The following C2CD2L variants were observed in gnomAD, a reference collection of about 807,000 sequenced individuals.
C2CD2L encodes the protein C2CD2 like, also known as phospholipid transfer protein C2CD2L.
A neutral mutation model predicts 69.9 loss-of-function variants in C2CD2L; 24 were observed. The observed-to-expected ratio is 0.34, with a 90% CI of 0.25 to 0.48. The LOEUF (loss-of-function observed/expected upper bound fraction) is 0.48. Ranked by LOEUF, C2CD2L falls within the 20% of genes least tolerant of loss-of-function variation. The pLI is 0.99. For missense variants in C2CD2L, 811 were observed against 941.5 expected (o/e 0.86, Z 1.81); for synonymous variants, 367 against 391.0 (o/e 0.94, Z 0.72).
At position 119,108,203 on chromosome 11, in the gene C2CD2L, C is replaced by G. The variant is rs534369738; in HGVS notation, c.354+108C>G. The G allele has an allele frequency of 4.5e-6, 3 of 665,140 alleles. No individual in the cohort carries two copies. In the Admixed American group the frequency reaches 1.0e-4, roughly 23 times the overall value. The allele number at this position is 665,140 out of a possible 1,614,324, so 41.2% of individuals were successfully genotyped here. A position where few individuals can be genotyped will look rare whatever the true frequency, so the allele number is the denominator to read the frequency against. ...CGAGGGTGGGCATAAACTGGGGAAC[C>G]CTATGGCTTCTCTTCCCCTCCCGGA... On this transcript the variant is annotated intron_variant, in intron 1 of 13. Coordinates refer to ENST00000648610, the MANE Select transcript of C2CD2L (RefSeq NM_001290474.2).
At position 119,116,379 on chromosome 11, in the gene C2CD2L, A is replaced by T. The variant is rs1946894056; in HGVS notation, c.*123A>T. 3.9e-6 allele frequency: 3 copies of T among 776,068 alleles called. No homozygotes were observed. The highest frequency in any genetic ancestry group is 6.2e-6 in the Non-Finnish European group (3 of 480,566). 48.1% of individuals were successfully genotyped at this position (776,068 alleles called of 1,614,324 possible). A position where few individuals can be genotyped will look rare whatever the true frequency, so the allele number is the denominator to read the frequency against. On this transcript the variant is annotated 3_prime_UTR_variant, in exon 14 of 14. Coordinates refer to ENST00000648610, the MANE Select transcript of C2CD2L (RefSeq NM_001290474.2). Reference sequence around the variant, plus strand: ...CTCTGGGTTCCGGGAAGCCCCGTCCACCCTGGGCCATGGGGCCGGTTGGAA... The same window carrying T: ...CTCTGGGTTCCGGGAAGCCCCGTCCTCCCTGGGCCATGGGGCCGGTTGGAA...
At position 119,116,574 on chromosome 11, in the gene C2CD2L, C is replaced by T. The variant is rs1401639986; in HGVS notation, c.*318C>T. On this transcript the variant is annotated 3_prime_UTR_variant, in exon 14 of 14. Transcript: ENST00000648610. Reference sequence around the variant, plus strand: ...TCCCTGAGCGGAGTCCCAGGGTGCTCAGCTCTTCAGCTGACCCTTCTTCCC... The same window carrying T: ...TCCCTGAGCGGAGTCCCAGGGTGCTTAGCTCTTCAGCTGACCCTTCTTCCC... 2.1e-6 allele frequency: 1 copy of T among 478,640 alleles called. No homozygotes were observed. Among genetic ancestry groups the T allele is most frequent in the African/African-American group, 1.9e-5 (1 of 52,058 alleles). The allele number at this position is 478,640 out of a possible 1,614,324, so 29.6% of individuals were successfully genotyped here.
intron 11 of C2CD2L, 57 bp from the exon 12 acceptor site, chr11:119,113,784 GATAGGAGGAGTTCC>G: frequency 1.2e-6 from 2 of 1,612,636 alleles, no homozygotes; most frequent in East Asian, 4.5e-5. Context: ...CTCTGGGTGG[GATAGGAGGAGTTCC>G]AATCCAAGAA....
At position 119,110,152 on chromosome 11, in the gene C2CD2L, G is replaced by A; in HGVS notation, c.403G>A (p.Ala135Thr). Residue 135 changes from alanine (A) to threonine (T), a missense_variant, in exon 2 of 14, where the codon GCC becomes ACC. By Grantham distance (58) the Ala-to-Thr change is moderately conservative. Transcript: ENST00000648610. The surrounding 1 kb of genome is among the most constrained non-coding windows in gnomAD (Gnocchi z 5.7). ...GGAGGTGCCCCAACTCCCACCCAGAGCCAGCATCAGTCATGTGACCTGCGT... is the reference window on the plus strand; with the variant it reads ...GGAGGTGCCCCAACTCCCACCCAGAACCAGCATCAGTCATGTGACCTGCGT... ...FEEVPQLPPRASISHVTCVDQ... is the reference protein window; with the variant it reads ...FEEVPQLPPRTSISHVTCVDQ... 1 of 1,614,086 alleles carries A rather than the reference G, an allele frequency of 6.2e-7. No homozygotes were observed. Among genetic ancestry groups the A allele is most frequent in the Non-Finnish European group, 8.5e-7 (1 of 1,179,944 alleles).
upstream of C2CD2L, among the ~76,000 whole-genome samples, chr11:119,105,862 T>C (rs987431812): frequency 6.6e-6 from 1 of 152,144 alleles, no homozygotes; most frequent in South Asian, 2.1e-4. Flanking sequence ...AGGGTCTTCA[T>C]AGGGAAAGCT....
rs137999991 is a variant in C2CD2L, at chr11:119,114,242, A to G, written c.1786A>G (p.Ser596Gly). Residue 596 changes from serine to glycine, a missense_variant, in exon 13 of 14, where the codon AGT (serine) becomes GGT (glycine). Transcript: ENST00000648610. The surrounding 1 kb of genome is among the most constrained non-coding windows in gnomAD (Gnocchi z 5.1). ...GPLDALSSPT[S>G]VQEADETTRS... ...GCTAGATGCCCTCTCTAGTCCCACA[A>G]GTGTCCAGGAAGCAGACGAGACAAC... is the stretch of plus-strand genomic sequence containing the variant. 7 of 1,614,140 alleles carry G rather than the reference A, an allele frequency of 4.3e-6. No individual in the cohort carries two copies. The highest frequency in any genetic ancestry group is 5.1e-6 in the Non-Finnish European group (6 of 1,180,026).
At chr11:119,113,557 G>C (rs1164688634) in intron 10 of C2CD2L, 54 bp from the exon 11 acceptor site, 1 of 1,563,700 alleles carries the variant, frequency 6.4e-7, no homozygotes, top group African/African-American at 1.4e-5. Flanking sequence ...GACAGTAGGG[G>C]TGGGGGCCAC....
chr11:119,104,078 T>A (rs1373187650), upstream of C2CD2L, among the ~76,000 whole-genome samples: 2 of 152,076 alleles, frequency 1.3e-5, no homozygotes, highest in Admixed American at 1.3e-4. Context: ...GTGACCAGAG[T>A]AAGTGGTCTT....
In C2CD2L at chr11:119,116,339, T is replaced by C; in HGVS notation, c.*83T>C. On this transcript the variant is annotated 3_prime_UTR_variant, in exon 14 of 14. Transcript: ENST00000648610. ...TACCCCTTCCTGGATCTCCAGTGCCTGGGCCAGGAAAGCCCTCTGGGTTCC... is the reference window on the plus strand; with the variant it reads ...TACCCCTTCCTGGATCTCCAGTGCCCGGGCCAGGAAAGCCCTCTGGGTTCC... The C allele has an allele frequency of 1.7e-6, 2 of 1,192,310 alleles. No individual in the cohort carries two copies. The highest frequency in any genetic ancestry group is 1.9e-4 in the Middle Eastern group (1 of 5,216). The allele number at this position is 1,192,310 out of a possible 1,614,324, so 73.9% of individuals were successfully genotyped here. A position where few individuals can be genotyped will look rare whatever the true frequency, so the allele number is the denominator to read the frequency against.
Position 119,110,726 on chromosome 11 carries a change from T to C in C2CD2L, c.570+46T>C, listed in dbSNP as rs764326317. ...CTGAGTTGGGCAGGGGCGGTTCCAT[T>C]GGCTCAGCTTCTTCCATTTGTTTCC... On this transcript the variant is annotated intron_variant, in intron 3 of 13. Transcript: ENST00000648610. This position sits in a 1 kb window ranked among gnomAD's most constrained non-coding sequence, Gnocchi z 5.7. 6.2e-7 allele frequency: 1 copy of C among 1,610,518 alleles called. No individual in the cohort carries two copies.
chr11:119,106,271 GACA>G (rs955768057), upstream of C2CD2L, among the ~76,000 whole-genome samples: 4 of 152,210 alleles, frequency 2.6e-5, no homozygotes, highest in African/African-American at 4.8e-5. Context: ...TCATTCCTCA[GACA>G]ACTACTTGGG....
In C2CD2L at chr11:119,107,753, C is replaced by A. The variant is rs1946624168; in HGVS notation, c.12C>A (p.Gly4=). 1 of 1,531,844 alleles carries A rather than the reference C, an allele frequency of 6.5e-7. No individual in the cohort carries two copies. The highest frequency in any genetic ancestry group is 8.7e-7 in the Non-Finnish European group (1 of 1,152,368). The allele number at this position is 1,531,844 out of a possible 1,614,324, so 94.9% of individuals were successfully genotyped here. A position where few individuals can be genotyped will look rare whatever the true frequency, so the allele number is the denominator to read the frequency against. MDP[G]WGQRDVGWAA... ...AGCCCGCGCGGAGCATGGATCCGGG[C>A]TGGGGGCAGCGGGACGTGGGCTGGG... Residue 4 remains glycine (G), a synonymous_variant, in exon 1 of 14, where the codon GGC becomes GGA. Coordinates refer to ENST00000648610, the MANE Select transcript of C2CD2L (RefSeq NM_001290474.2). The surrounding 1 kb of genome is among the most constrained non-coding windows in gnomAD (Gnocchi z 5.4).
rs566678165 is a variant in C2CD2L at position 119,110,003 on chromosome 11, T to C, written c.355-101T>C. 6 of 840,416 alleles carry C rather than the reference T, an allele frequency of 7.1e-6. No homozygotes were observed. The highest frequency in any genetic ancestry group is 6.7e-5 in the African/African-American group (4 of 60,040). The allele number at this position is 840,416 out of a possible 1,614,324, so 52.1% of individuals were successfully genotyped here. ...GAGGGGCCAGAAGCCAGCCTGCAGCTGAGGCCTCCGCAGTGGCAGAGTCCA... is the reference window on the plus strand; with the variant it reads ...GAGGGGCCAGAAGCCAGCCTGCAGCCGAGGCCTCCGCAGTGGCAGAGTCCA... On this transcript the variant is annotated intron_variant, in intron 1 of 13. Coordinates refer to ENST00000648610, the MANE Select transcript of C2CD2L (RefSeq NM_001290474.2). The surrounding 1 kb of genome is among the most constrained non-coding windows in gnomAD (Gnocchi z 5.7).
Position 119,114,470 on chromosome 11 carries a change from A to G in C2CD2L, c.1909+105A>G. ...CCTTCTCCTTCCTCCCCTAAGAGATAGCCGGATTCCCAGCCTAGTTCAGCC... is the reference window on the plus strand; with the variant it reads ...CCTTCTCCTTCCTCCCCTAAGAGATGGCCGGATTCCCAGCCTAGTTCAGCC... On this transcript the variant is annotated intron_variant, in intron 13 of 13. Coordinates refer to ENST00000648610, the MANE Select transcript of C2CD2L (RefSeq NM_001290474.2). The surrounding 1 kb of genome is among the most constrained non-coding windows in gnomAD (Gnocchi z 5.1). 1 of 1,186,326 alleles carries G rather than the reference A, an allele frequency of 8.4e-7. No homozygotes were observed. Among genetic ancestry groups the G allele is most frequent in the Non-Finnish European group, 1.2e-6 (1 of 831,370 alleles). 73.5% of individuals were successfully genotyped at this position (1,186,326 alleles called of 1,614,324 possible). A position where few individuals can be genotyped will look rare whatever the true frequency, so the allele number is the denominator to read the frequency against.
Position 119,111,138 on chromosome 11 carries a change from C to A in C2CD2L, c.768C>A (p.Asn256Lys). Residue 256 changes from asparagine to lysine, a missense_variant, in exon 5 of 14, where the codon AAC becomes AAA. Coordinates refer to ENST00000648610, the MANE Select transcript of C2CD2L (RefSeq NM_001290474.2). Reference sequence around the variant, plus strand: ...GCACCCAGCCAGCCATGATGGTCAACCTCAGGGCTTGCTCTGCCCCAGGAG... The same window carrying A: ...GCACCCAGCCAGCCATGATGGTCAAACTCAGGGCTTGCTCTGCCCCAGGAG... ...IVSTQPAMMV[N>K]LRACSAPGGL... The A allele has an allele frequency of 6.2e-7, 1 of 1,613,962 alleles. No individual in the cohort carries two copies. The highest frequency in any genetic ancestry group is 1.1e-5 in the South Asian group (1 of 91,080).
chr11:119,110,198 TGGTAAG>T lies in C2CD2L; in HGVS notation c.450+3_450+8del, dbSNP rs1946697973. The T allele has an allele frequency of 1.2e-6, 2 of 1,608,788 alleles. No individual in the cohort carries two copies. The highest frequency in any genetic ancestry group is 1.7e-6 in the Non-Finnish European group (2 of 1,175,396). The stretch of plus-strand genomic sequence containing the variant: ...TGCGTAGACCAATCTGAGCATACCA[TGGTAAG>T]GGTCTGATGGGCACTGCCCTCTTTG... On this transcript the variant is annotated splice_donor_variant and splice_donor_5th_base_variant and coding_sequence_variant and intron_variant, in exon 2 of 14. Coordinates refer to ENST00000648610, the MANE Select transcript of C2CD2L (RefSeq NM_001290474.2). LOFTEE classifies it high-confidence loss of function. This position sits in a 1 kb window ranked among gnomAD's most constrained non-coding sequence, Gnocchi z 5.7.
chr11:119,112,248 C>T (rs990007113), intron 7 of C2CD2L, 80 bp from the exon 8 acceptor site: 3 of 1,237,544 alleles, frequency 2.4e-6, no homozygotes, highest in Non-Finnish European at 3.4e-6. Flanking sequence ...CAGCTCTCTG[C>T]CTCTGGCCTG....
Position 119,110,783 on chromosome 11 carries a change from C to T in C2CD2L, c.571-64C>T, listed in dbSNP as rs1172117791. On this transcript the variant is annotated intron_variant, in intron 3 of 13. Transcript: ENST00000648610. This position sits in a 1 kb window ranked among gnomAD's most constrained non-coding sequence, Gnocchi z 5.7. ...GGATGGAATTCAGGAAGGGAGAGTC[C>T]TCGAATTAGGAGTCCTTGGGTAAAT... is the stretch of plus-strand genomic sequence containing the variant. The T allele has an allele frequency of 1.2e-6, 2 of 1,605,488 alleles. No homozygotes were observed. Among genetic ancestry groups the T allele is most frequent in the African/African-American group, 1.3e-5 (1 of 74,730 alleles).
rs776411079 is a variant in C2CD2L, at chr11:119,116,246, C to A, written c.2111C>A (p.Pro704His). The change falls in exon 14 of 14, where the codon CCC becomes CAC. Residue 704 changes from proline to histidine, a missense_variant. Pro to His is a moderately conservative substitution (Grantham distance 77). Coordinates refer to ENST00000648610, the MANE Select transcript of C2CD2L (RefSeq NM_001290474.2). ...CCCAAGGCCAATGGTAACCCCAGCC[C>A]CCAGCTCTGAGGACCCAGCTCTGAA... The part of the protein sequence containing the change: ...SKPKANGNPS[P>H]QL 5 of 1,613,872 alleles carry A rather than the reference C, an allele frequency of 3.1e-6. No individual in the cohort carries two copies. Among genetic ancestry groups the A allele is most frequent in the Non-Finnish European group, 4.2e-6 (5 of 1,179,728 alleles).
Sources: allele counts gnomAD v4.1 joint callset (sites outside exome capture counted in the v4.1 genomes callset), GRCh38; gene constraint gnomAD v4.1.1; non-coding constraint Gnocchi (gnomAD v3.1); transcripts MANE v1.5; gene names NCBI Gene and HGNC (gene_info 2026-07-23, HGNC 2026-07-21).